GALNT2: variants seen among roughly 807,000 people sequenced by gnomAD.
The protein encoded by GALNT2 is polypeptide N-acetylgalactosaminyltransferase 2, also known as UDP-GalNAc:polypeptide N-acetylgalactosaminyltransferase 2.
GALNT2 carries 31 observed loss-of-function variants against 81.4 expected under a neutral mutation model. The ratio of observed to expected loss-of-function variants is 0.38; its 90% CI spans 0.29 to 0.51. GALNT2 has a LOEUF of 0.51. Ranked by LOEUF, GALNT2 falls within the 20% of genes least tolerant of loss-of-function variation. The probability of loss-of-function intolerance (pLI) is 0.87; values close to 1 mark genes in which losing one functional copy is unlikely to be tolerated. For missense variants in GALNT2, 629 were observed against 765.7 expected, an observed-to-expected ratio of 0.82 and a Z score of 2.11; for synonymous variants, 303 against 287.4, an observed-to-expected ratio of 1.05 and a Z score of -0.55.
chr1:230,148,196 TG>T (rs1182274382), intron 1 of GALNT2, among the ~76,000 whole-genome samples: 1 of 152,118 alleles, frequency 6.6e-6, no homozygotes, highest in Non-Finnish European at 1.5e-5. Flanking sequence ...GGACTTTAGG[TG>T]AAGGGCTGCC....
chr1:230,058,266 T>C (rs963899656), intron 1 of GALNT2, among the ~76,000 whole-genome samples: 1 of 152,132 alleles, frequency 6.6e-6, no homozygotes, highest in Non-Finnish European at 1.5e-5. Context: ...GTGCTATGAG[T>C]GCTGGCTGGC....
chr1:230,173,223 C>G (rs1662853044), intron 1 of GALNT2, among the ~76,000 whole-genome samples: 3 of 152,228 alleles, frequency 2.0e-5, no homozygotes, highest in African/African-American at 4.8e-5. Context: ...TTTAGGGCAT[C>G]TAGGTCTTTC....
chr1:230,144,766 T>C (rs2180078), intron 1 of GALNT2, among the ~76,000 whole-genome samples: 118,769 of 151,588 alleles, frequency 0.78, 47,070 homozygotes, highest in African/African-American at 0.81. Context: ...CCAGTGTTCT[T>C]ATGTGGGGTG....
At position 230,160,615 on chromosome 1, in the gene GALNT2, G is replaced by A. The variant is rs2102846312; in HGVS notation, c.127-17603G>A. Among the ~76,000 whole-genome samples the A allele has an allele frequency of 2.6e-5, 4 of 152,164 alleles. No individual in the cohort carries two copies. In the Middle Eastern group the frequency reaches 0.01, roughly 388 times the overall value. On this transcript the variant is annotated intron_variant, in intron 1 of 15. Coordinates refer to ENST00000366672, the MANE Select transcript of GALNT2 (RefSeq NM_004481.5). Reference sequence around the variant, plus strand: ...TGTAATCCCAGCTACTCAGGAAGCTGAGGCAGGAGAATTGCTTAAACCCAG... The same window carrying A: ...TGTAATCCCAGCTACTCAGGAAGCTAAGGCAGGAGAATTGCTTAAACCCAG...
At chr1:230,210,774 A>G (rs1038526608) in intron 3 of GALNT2, among the ~76,000 whole-genome samples, 3 of 152,230 alleles carry the variant, frequency 2.0e-5, no homozygotes, top group Non-Finnish European at 4.4e-5. Flanking sequence ...GGGCATTTAA[A>G]GAGGGCAGAC....
At chr1:230,066,199 G>A (rs1240288990), upstream of GALNT2, among the ~76,000 whole-genome samples, 5 of 152,216 alleles carry the variant, frequency 3.3e-5, no homozygotes, top group Middle Eastern at 3.2e-3. Flanking sequence ...AGAAGCTCCT[G>A]AAAACATTTA....
intron 1 of GALNT2, among the ~76,000 whole-genome samples, chr1:230,108,181 G>A (rs1252384092): frequency 6.6e-6 from 1 of 152,178 alleles, no homozygotes; most frequent in African/African-American, 2.4e-5. Context: ...AATAGGCACA[G>A]TCCTGAAAGA....
chr1:230,265,656 C>T (rs1558169438), intron 14 of GALNT2, among the ~76,000 whole-genome samples: 1 of 152,208 alleles, frequency 6.6e-6, no homozygotes, highest in Non-Finnish European at 1.5e-5. Context: ...GGTCTTCCTG[C>T]CAGCTCTGTC....
At chr1:230,063,651 C>T (rs12040273), upstream of GALNT2, among the ~76,000 whole-genome samples, 41,596 of 152,160 alleles carry the variant, frequency 0.27, 10,532 homozygotes, top group African/African-American at 0.67. Context: ...TATCATACAT[C>T]GCTTATTCCA....
At chr1:230,128,154 AG>A (rs1201690974) in intron 1 of GALNT2, among the ~76,000 whole-genome samples, 2 of 152,160 alleles carry the variant, frequency 1.3e-5, no homozygotes, top group African/African-American at 2.4e-5. Context: ...AAGGCCTCTT[AG>A]TACTCTTCTG....
chr1:230,161,328 C>T (rs1662429694), intron 1 of GALNT2, among the ~76,000 whole-genome samples: 1 of 152,216 alleles, frequency 6.6e-6, no homozygotes, highest in Non-Finnish European at 1.5e-5. Context: ...ATGGTGGTCT[C>T]AGGGCAGCAT....
At chr1:230,153,349 G>A (rs937049722) in intron 1 of GALNT2, among the ~76,000 whole-genome samples, 5 of 152,220 alleles carry the variant, frequency 3.3e-5, no homozygotes, top group African/African-American at 1.2e-4. Flanking sequence ...ACATGCGGGA[G>A]TGTTTCTGTA....
chr1:230,164,724 G>A (rs1436304821), intron 1 of GALNT2, among the ~76,000 whole-genome samples: 2 of 152,048 alleles, frequency 1.3e-5, no homozygotes, highest in African/African-American at 2.4e-5. Context: ...TAGTAGAGAG[G>A]TTTCACCATG....
chr1:230,141,673 G>T (rs924133307), intron 1 of GALNT2, among the ~76,000 whole-genome samples: 23 of 151,544 alleles, frequency 1.5e-4, no homozygotes, highest in Admixed American at 8.5e-4. Context: ...GCCACATTTT[G>T]TTGATCTAGT....
Position 230,067,265 on chromosome 1 carries a change from C to A in GALNT2, c.-16C>A. Reference sequence around the variant, plus strand: ...TCGCGAGCAGCGGCGGCCCCGCCGGCGGCCGAGTTGGGAGAATGCGGCGGC... The same window carrying A: ...TCGCGAGCAGCGGCGGCCCCGCCGGAGGCCGAGTTGGGAGAATGCGGCGGC... On this transcript the variant is annotated 5_prime_UTR_variant, in exon 1 of 16. Transcript: ENST00000366672. 2 of 1,299,138 alleles carry A rather than the reference C, an allele frequency of 1.5e-6. No homozygotes were observed. The highest frequency in any genetic ancestry group is 3.5e-5 in the East Asian group (1 of 28,382). 80.5% of individuals were successfully genotyped at this position (1,299,138 alleles called of 1,614,324 possible).
chr1:230,204,110 T>C (rs1663988548), intron 3 of GALNT2, among the ~76,000 whole-genome samples: 1 of 152,154 alleles, frequency 6.6e-6, no homozygotes, highest in African/African-American at 2.4e-5. Flanking sequence ...CCCAAAGTGC[T>C]GGAATCACAA....
intron 10 of GALNT2, among the ~76,000 whole-genome samples, chr1:230,253,524 A>T (rs1665614802): frequency 6.6e-6 from 1 of 152,190 alleles, no homozygotes; most frequent in African/African-American, 2.4e-5. Context: ...TAGATACTAT[A>T]TGTGTATATT....
At chr1:230,095,889 G>A (rs2057232) in intron 1 of GALNT2, among the ~76,000 whole-genome samples, 31,999 of 152,182 alleles carry the variant, frequency 0.21, 3,432 homozygotes, top group East Asian at 0.37. Context: ...GGGAGGGAGA[G>A]GCCAAGGCCT....
At position 230,165,357 on chromosome 1, in the gene GALNT2, G is replaced by A. The variant is rs549150506; in HGVS notation, c.127-12861G>A. Among the ~76,000 whole-genome samples the A allele has an allele frequency of 2.9e-4, 44 of 152,292 alleles. No homozygotes were observed. In the South Asian group the frequency reaches 8.7e-3, roughly 30 times the overall value. ...GCGCATAGTATTCTTTGAAGGGGCT[G>A]TTAACAGAAATTAACGTTGTATTGG... On this transcript the variant is annotated intron_variant, in intron 1 of 15. Transcript: ENST00000366672.
Sources: gnomAD v4.1 joint callset for allele counts (sites outside exome capture counted in the v4.1 genomes callset) on GRCh38, gnomAD v4.1.1 for gene constraint, MANE v1.5 for transcripts, NCBI Gene and HGNC (gene_info 2026-07-23, HGNC 2026-07-21) for gene names.